Variants in BBOX1 observed in about 807,000 individuals in gnomAD.
The protein encoded by BBOX1 is gamma-butyrobetaine dioxygenase.
A neutral mutation model predicts 41.6 loss-of-function variants in BBOX1; 35 were observed. That is an observed-to-expected ratio of 0.84 (90% CI 0.64 to 1.11). The LOEUF (loss-of-function observed/expected upper bound fraction) is 1.11, where lower values mean the gene tolerates loss of function less well. Ranked by LOEUF, BBOX1 falls within the 50% of genes most tolerant of loss-of-function variation. The pLI is 0.00. For synonymous variants in BBOX1, 163 were observed against 154.7 expected, an observed-to-expected ratio of 1.05 and a Z score of -0.40; for missense variants, 458 against 460.6, an observed-to-expected ratio of 0.99 and a Z score of 0.05.
intron 5 of BBOX1, among the ~76,000 whole-genome samples, chr11:27,112,057 A>G (rs1414448867): frequency 6.6e-6 from 1 of 151,940 alleles, no homozygotes; most frequent in Non-Finnish European, 1.5e-5. Flanking sequence ...GACACTGTCT[A>G]AGCCTCTGCA....
At chr11:27,120,310 T>C (rs1474705339) in intron 7 of BBOX1, among the ~76,000 whole-genome samples, 2 of 152,168 alleles carry the variant, frequency 1.3e-5, no homozygotes, top group African/African-American at 4.8e-5. Flanking sequence ...TTACAGCTAG[T>C]AATCACACCA....
intron 5 of BBOX1, among the ~76,000 whole-genome samples, chr11:27,107,320 T>A (rs1007602231): frequency 1.3e-5 from 2 of 151,972 alleles, no homozygotes; most frequent in African/African-American, 2.4e-5. Context: ...TTTAAAAGAT[T>A]AACAAAATTG....
intron 5 of BBOX1, among the ~76,000 whole-genome samples, chr11:27,095,933 T>C (rs962999611): frequency 1.8e-4 from 28 of 152,028 alleles, no homozygotes; most frequent in South Asian, 1.0e-3. Flanking sequence ...AAGCTGCTTA[T>C]TGGAATAGCC....
intron 5 of BBOX1, among the ~76,000 whole-genome samples, chr11:27,111,652 A>C (rs1259519950): frequency 6.6e-6 from 1 of 151,908 alleles, no homozygotes; most frequent in Non-Finnish European, 1.5e-5. Flanking sequence ...ATTTTGTGCA[A>C]ATACCACCTT....
At chr11:27,125,977 G>A (rs569748667) in intron 8 of BBOX1, 157 bp downstream of exon 8, 48 of 700,950 alleles carry the variant, frequency 6.8e-5, no homozygotes, top group Non-Finnish European at 9.8e-5. Context: ...TAGTGGACTC[G>A]TGGCCCTCAT....
intron 4 of BBOX1, among the ~76,000 whole-genome samples, chr11:27,086,807 T>A (rs1196120643): frequency 6.6e-6 from 1 of 152,098 alleles, no homozygotes; most frequent in Non-Finnish European, 1.5e-5. Context: ...GATGCTATTA[T>A]GAACGTTTTT....
At chr11:27,086,573 T>C (rs908106845) in intron 4 of BBOX1, among the ~76,000 whole-genome samples, 3 of 152,150 alleles carry the variant, frequency 2.0e-5, no homozygotes, top group African/African-American at 7.2e-5. Context: ...TAACTAGTCA[T>C]TCAAAAGCTC....
chr11:27,060,575 A>G (rs1029694299), intron 4 of BBOX1, among the ~76,000 whole-genome samples: 2 of 152,160 alleles, frequency 1.3e-5, no homozygotes, highest in Non-Finnish European at 2.9e-5. Flanking sequence ...ACTCCTTTCA[A>G]ATCTGAAATT....
chr11:27,087,787 C>A (rs931194886), intron 4 of BBOX1, among the ~76,000 whole-genome samples: 1 of 151,936 alleles, frequency 6.6e-6, no homozygotes, highest in African/African-American at 2.4e-5. Context: ...GGGCTATGGC[C>A]CTTAGTCTCT....
At chr11:27,065,089 A>G (rs1237262181) in intron 4 of BBOX1, among the ~76,000 whole-genome samples, 1 of 152,166 alleles carries the variant, frequency 6.6e-6, no homozygotes, top group Non-Finnish European at 1.5e-5. Flanking sequence ...GCCTATTCCC[A>G]TTTAAAACTA....
intron 5 of BBOX1, among the ~76,000 whole-genome samples, chr11:27,096,929 T>C (rs1435273011): frequency 2.0e-5 from 3 of 152,044 alleles, no homozygotes; most frequent in Non-Finnish European, 4.4e-5. Context: ...TTTCCACATC[T>C]GTATTTTCTC....
At chr11:27,112,849 T>C (rs1859119583) in intron 5 of BBOX1, among the ~76,000 whole-genome samples, 1 of 151,756 alleles carries the variant, frequency 6.6e-6, no homozygotes, top group Admixed American at 6.6e-5. Flanking sequence ...CAAAAGAAAC[T>C]AACAACAAAG....
chr11:27,058,809 A>G (rs1857059774), intron 4 of BBOX1, among the ~76,000 whole-genome samples: 1 of 152,338 alleles, frequency 6.6e-6, no homozygotes, highest in Non-Finnish European at 1.5e-5. Flanking sequence ...CTAACAGCCT[A>G]TGATCAGATA....
Position 27,057,063 on chromosome 11 carries a change from T to TAA in BBOX1, c.220-138_220-137insAA, listed in dbSNP as rs1459422645. The TAA allele has an allele frequency of 4.9e-4, 74 of 149,830 alleles. 6 individuals carry two copies. Among genetic ancestry groups the TAA allele is most frequent in the East Asian group, 4.9e-3 (31 of 6,346 alleles). The allele number at this position is 149,830 out of a possible 1,614,324, so 9.3% of individuals were successfully genotyped here. ...CCTGGCAACAGAGGAAGACTCCGACTTAAAAAAAAAAAAAAAAAAAAATTA... is the reference window on the plus strand; with the variant it reads ...CCTGGCAACAGAGGAAGACTCCGACTAATAAAAAAAAAAAAAAAAAAAAATTA... On this transcript the variant is annotated intron_variant, in intron 3 of 8. Transcript: ENST00000263182.
chr11:27,098,489 G>A (rs1858527684), intron 5 of BBOX1, among the ~76,000 whole-genome samples: 1 of 152,034 alleles, frequency 6.6e-6, no homozygotes, highest in Non-Finnish European at 1.5e-5. Flanking sequence ...TCTATTTTTA[G>A]TAGTAATACA....
chr11:27,082,604 T>A (rs1857885462), intron 4 of BBOX1, among the ~76,000 whole-genome samples: 3 of 152,154 alleles, frequency 2.0e-5, no homozygotes, highest in African/African-American at 7.2e-5. Flanking sequence ...TGTCTGATGC[T>A]GGACAAATTA....
chr11:27,063,444 C>A (rs1857191187), intron 4 of BBOX1, among the ~76,000 whole-genome samples: 1 of 151,912 alleles, frequency 6.6e-6, no homozygotes, highest in Middle Eastern at 3.2e-3. Context: ...AATATTTGTT[C>A]TTTTTATTAA....
intron 2 of BBOX1, among the ~76,000 whole-genome samples, chr11:27,046,740 C>A (rs1402862982): frequency 6.6e-6 from 1 of 152,012 alleles, no homozygotes; most frequent in Non-Finnish European, 1.5e-5. Flanking sequence ...CTAAATTTTT[C>A]TTTTCTTCAG....
Position 27,119,640 on chromosome 11 carries a change from T to G in BBOX1, c.640-9T>G. The G allele has an allele frequency of 1.5e-6, 2 of 1,371,168 alleles. No individual in the cohort carries two copies. Among genetic ancestry groups the G allele is most frequent in the Non-Finnish European group, 1.9e-6 (2 of 1,055,260 alleles). The allele number at this position is 1,371,168 out of a possible 1,614,324, so 84.9% of individuals were successfully genotyped here. ...TATTTATTTAATAATGCATATTTTC[T>G]TTTTATAGGTTCAGCTTCTTCACTG... On this transcript the variant is annotated splice_polypyrimidine_tract_variant and intron_variant, in intron 6 of 8. Coordinates refer to ENST00000263182, the MANE Select transcript of BBOX1 (RefSeq NM_003986.3).
Sources: allele counts gnomAD v4.1 joint callset (sites outside exome capture counted in the v4.1 genomes callset), GRCh38; gene constraint gnomAD v4.1.1; transcripts MANE v1.5; gene names NCBI Gene and HGNC (gene_info 2026-07-23, HGNC 2026-07-21).